The following FAM20C variants were observed in gnomAD, a reference collection of about 807,000 sequenced individuals.
FAM20C encodes FAM20C golgi associated secretory pathway kinase.
In FAM20C, 40 loss-of-function variants were observed where a neutral mutation model predicts 51.5. The observed-to-expected ratio is 0.78, with a 90% CI of 0.60 to 1.01. The LOEUF (loss-of-function observed/expected upper bound fraction) is 1.01. FAM20C is among the 50% of genes least tolerant of loss of function. FAM20C has a pLI of 0.00. For missense variants in FAM20C, 861 were observed against 844.7 expected, an observed-to-expected ratio of 1.02 and a Z score of -0.24; for synonymous variants, 406 against 380.6, an observed-to-expected ratio of 1.07 and a Z score of -0.78.
intron 2 of FAM20C, among the ~76,000 whole-genome samples, chr7:204,511 G>A (rs550674284): frequency 1.2e-4 from 19 of 152,326 alleles, no homozygotes; most frequent in Middle Eastern, 6.8e-3. Context: ...GAATGGGCAC[G>A]TGACCCGGGG....
At chr7:241,737 G>A (rs1316253098) in intron 3 of FAM20C, among the ~76,000 whole-genome samples, 1 of 151,802 alleles carries the variant, frequency 6.6e-6, no homozygotes, top group Non-Finnish European at 1.5e-5. Flanking sequence ...GAGCGCCCGT[G>A]TGTGTGTTTC....
intron 3 of FAM20C, chr7:229,221 T>A (rs1261643690): frequency 4.1e-6 from 1 of 245,428 alleles, no homozygotes; most frequent in Non-Finnish European, 8.1e-6. Flanking sequence ...TGAGTTTCCT[T>A]CCACGTGCAA....
intron 3 of FAM20C, chr7:229,297 G>A: frequency 4.8e-6 from 1 of 208,046 alleles, no homozygotes; most frequent in Non-Finnish European, 9.9e-6. Flanking sequence ...TGTTCTGGCT[G>A]GTGTATAAAT....
chr7:254,917 A>G lies in FAM20C; in HGVS notation c.1073-932A>G, dbSNP rs557975138. Among the ~76,000 whole-genome samples the G allele has an allele frequency of 2.0e-5, 3 of 150,898 alleles. No homozygotes were observed. In the East Asian group the frequency reaches 5.8e-4, roughly 29 times the overall value. On this transcript the variant is annotated intron_variant, in intron 5 of 9. Coordinates refer to ENST00000313766, the MANE Select transcript of FAM20C (RefSeq NM_020223.4). The stretch of plus-strand genomic sequence containing the variant: ...GGTTCTCGGGTTCAGTGAGGGCTTC[A>G]TTCCTCTTCTTGTTTCATTTCGTTT...
At chr7:220,541 G>C (rs1787214185) in intron 3 of FAM20C, among the ~76,000 whole-genome samples, 1 of 152,196 alleles carries the variant, frequency 6.6e-6, no homozygotes, top group African/African-American at 2.4e-5. Flanking sequence ...TGACCTTCTG[G>C]GGTCTCTCCC....
intron 2 of FAM20C, among the ~76,000 whole-genome samples, chr7:199,427 G>A (rs985120291): frequency 7.9e-5 from 12 of 152,250 alleles, no homozygotes; most frequent in African/African-American, 1.9e-4. Flanking sequence ...AGGCTTGTCC[G>A]AGATTAGCAC....
rs1788603790 is a variant in FAM20C, at chr7:256,695, C to G, written c.1295C>G (p.Thr432Arg). ...DPDYCEEVKQ[T>R]PPYDSSHRIL... is the part of the protein sequence containing the mutation. ...GACTACTGCGAGGAGGTGAAGCAGA[C>G]ACCGCCCTACGACAGCAGCCACCGC... The change falls in exon 7 of 10, where the codon ACA becomes AGA. Residue 432 changes from threonine to arginine, a missense_variant. Transcript: ENST00000313766. The G allele has an allele frequency of 6.5e-7, 1 of 1,536,132 alleles. No individual in the cohort carries two copies. Among genetic ancestry groups the G allele is most frequent in the Non-Finnish European group, 8.7e-7 (1 of 1,146,840 alleles).
rs1192307981 is a variant in FAM20C, at chr7:192,674, C to A, written c.-526C>A. 9.0e-4 allele frequency among the ~76,000 whole-genome samples: 134 copies of A among 149,640 alleles called. 1 individual carries two copies. The highest frequency in any genetic ancestry group is 2.6e-3 in the Admixed American group (39 of 15,090). On this transcript the variant is annotated 5_prime_UTR_variant, in exon 1 of 10. Transcript: ENST00000313766. ...CCACCCCTTCCGCCCTTCGCCCCCC[C>A]CTTCCCCCCAGCCCCGGTCTCCCGG...
chr7:196,037 C>T (rs1785851229), intron 2 of FAM20C, among the ~76,000 whole-genome samples: 1 of 152,334 alleles, frequency 6.6e-6, no homozygotes, highest in South Asian at 2.1e-4. Flanking sequence ...CAGAGTCCTT[C>T]CCTCCTGGGG....
chr7:204,997 G>A (rs1299140750), intron 2 of FAM20C, among the ~76,000 whole-genome samples: 1 of 152,242 alleles, frequency 6.6e-6, no homozygotes, highest in African/African-American at 2.4e-5. Flanking sequence ...TCACAGCATT[G>A]CCCCCATGTA....
intron 2 of FAM20C, among the ~76,000 whole-genome samples, chr7:196,254 C>T (rs1472840187): frequency 3.9e-5 from 6 of 152,154 alleles, no homozygotes; most frequent in South Asian, 2.1e-4. Flanking sequence ...GGGCTCAGGA[C>T]GGAGGCCTGG....
chr7:194,112 C>A, intron 1 of FAM20C: 1 of 358,638 alleles, frequency 2.8e-6, no homozygotes, highest in Non-Finnish European at 5.0e-6. Context: ...TGGGGTCAGG[C>A]AATGAATGAA....
intron 3 of FAM20C, among the ~76,000 whole-genome samples, chr7:219,401 C>T (rs1441243632): frequency 6.6e-6 from 1 of 152,014 alleles, no homozygotes; most frequent in Non-Finnish European, 1.5e-5. Context: ...AATGGCCAGC[C>T]CAGGACAGCA....
chr7:206,450 C>T (rs1222380599), intron 2 of FAM20C, among the ~76,000 whole-genome samples: 1 of 152,118 alleles, frequency 6.6e-6, no homozygotes, highest in African/African-American at 2.4e-5. Flanking sequence ...TTTGCACCCT[C>T]CCGTGCACTG....
intron 3 of FAM20C, among the ~76,000 whole-genome samples, chr7:230,666 G>A (rs112239756): frequency 3.3e-5 from 5 of 152,262 alleles, no homozygotes; most frequent in Non-Finnish European, 5.9e-5. Context: ...TAGATGAGTC[G>A]CGATACAGAA....
At chr7:198,943 T>C (rs150550879) in intron 2 of FAM20C, among the ~76,000 whole-genome samples, 8 of 152,320 alleles carry the variant, frequency 5.3e-5, no homozygotes, top group African/African-American at 1.9e-4. Flanking sequence ...TTGGAGATGC[T>C]CACAGGTGAG....
chr7:231,641 G>A (rs1787692620), intron 3 of FAM20C, among the ~76,000 whole-genome samples: 1 of 152,158 alleles, frequency 6.6e-6, no homozygotes, highest in African/African-American at 2.4e-5. Flanking sequence ...GAGGCTGCCT[G>A]CCTGTTTCCA....
At chr7:258,623 C>G in intron 8 of FAM20C, 23 bp from the exon 9 acceptor site, 3 of 1,536,668 alleles carry the variant, frequency 2.0e-6, no homozygotes, top group Non-Finnish European at 2.6e-6. Flanking sequence ...GGGCCCTTGA[C>G]AATTCTGCTT....
At position 206,948 on chromosome 7, in the gene FAM20C, G is replaced by A. The variant is rs1361483261; in HGVS notation, c.785-1950G>A. ...CCCGCACACGTGTCCACTGTGAGGC[G>A]TCGGTCACGGCCCCCTCGGCCCCGC... On this transcript the variant is annotated intron_variant, in intron 2 of 9. Coordinates refer to ENST00000313766, the MANE Select transcript of FAM20C (RefSeq NM_020223.4). Among the ~76,000 whole-genome samples, 4 of 54,000 alleles carry A rather than the reference G, an allele frequency of 7.4e-5. 1 individual carries two copies. The highest frequency in any genetic ancestry group is 3.4e-4 in the African/African-American group (4 of 11,828). The allele number at this position is 54,000 out of a possible 152,430, so 35.4% of individuals were successfully genotyped here.
Sources: allele counts gnomAD v4.1 joint callset (sites outside exome capture counted in the v4.1 genomes callset), GRCh38; gene constraint gnomAD v4.1.1; transcripts MANE v1.5; gene names NCBI Gene and HGNC (gene_info 2026-07-23, HGNC 2026-07-21).